Variants in MRO observed in about 807,000 individuals in gnomAD.
The protein encoded by MRO is protein maestro.
MRO carries 28 observed loss-of-function variants against 31.0 expected under a neutral mutation model. The observed-to-expected ratio is 0.90, with a 90% CI of 0.67 to 1.24. The LOEUF (loss-of-function observed/expected upper bound fraction) is 1.24, where lower values mean the gene tolerates loss of function less well. Ranked by LOEUF, MRO falls within the 50% of genes most tolerant of loss-of-function variation. MRO has a pLI of 0.00. For synonymous variants in MRO, 108 were observed against 108.4 expected (o/e 1.00, Z 0.02); for missense variants, 332 against 289.2 (o/e 1.15, Z -1.07).
intron 2 of MRO, among the ~76,000 whole-genome samples, chr18:50,814,125 G>T (rs569292839): frequency 6.6e-6 from 1 of 152,112 alleles, no homozygotes; most frequent in Non-Finnish European, 1.5e-5. Context: ...GATCAGAGCC[G>T]ACAGGTGCCT....
At chr18:50,799,440 C>T in intron 7 of MRO, 50 bp from the exon 8 acceptor site, 2 of 1,514,752 alleles carry the variant, frequency 1.3e-6, no homozygotes, top group Non-Finnish European at 9.2e-7. Context: ...CAACAAACTT[C>T]CTTGACAATG....
At chr18:50,801,613 G>T in intron 5 of MRO, 109 bp from the exon 6 acceptor site, 1 of 1,042,362 alleles carries the variant, frequency 9.6e-7, no homozygotes, top group Non-Finnish European at 1.4e-6. Context: ...CCGTCAATCA[G>T]AACACATCAC....
chr18:50,799,075 T>C lies in MRO; in HGVS notation c.*262A>G. 1 of 393,916 alleles carries C rather than the reference T, an allele frequency of 2.5e-6. No homozygotes were observed. Among genetic ancestry groups the C allele is most frequent in the Non-Finnish European group, 4.6e-6 (1 of 216,418 alleles). The allele number at this position is 393,916 out of a possible 1,614,324, so 24.4% of individuals were successfully genotyped here. A position where few individuals can be genotyped will look rare whatever the true frequency, so the allele number is the denominator to read the frequency against. On this transcript the variant is annotated 3_prime_UTR_variant, in exon 8 of 8. Coordinates refer to ENST00000398439, the MANE Select transcript of MRO (RefSeq NM_031939.6). ...GCACTGAATCTATATACACTTGGAATGTTTTAAAGAAAGTGTGTACCTGCT... is the reference window on the plus strand; with the variant it reads ...GCACTGAATCTATATACACTTGGAACGTTTTAAAGAAAGTGTGTACCTGCT...
intron 5 of MRO, among the ~76,000 whole-genome samples, chr18:50,804,686 C>G (rs1332691589): frequency 6.6e-6 from 1 of 152,118 alleles, no homozygotes; most frequent in Non-Finnish European, 1.5e-5. Flanking sequence ...TACATGTCCT[C>G]CCAACCCCTA....
chr18:50,799,747 C>T (rs1367785547), intron 7 of MRO, among the ~76,000 whole-genome samples: 1 of 152,068 alleles, frequency 6.6e-6, no homozygotes, highest in African/African-American at 2.4e-5. Context: ...CCCATCTCTA[C>T]TAAAAATACA....
chr18:50,806,936 C>T (rs1914004414), intron 3 of MRO, 86 bp from the exon 4 acceptor site: 2 of 1,334,646 alleles, frequency 1.5e-6, no homozygotes, highest in Non-Finnish European at 2.1e-6. Flanking sequence ...TAAAGAAAAT[C>T]CCGTGATTGC....
chr18:50,812,020 C>T (rs1014114114), intron 2 of MRO, among the ~76,000 whole-genome samples: 6 of 152,098 alleles, frequency 3.9e-5, no homozygotes, highest in East Asian at 1.9e-4. Context: ...GGATTACAGG[C>T]GTTAGCCACC....
chr18:50,800,740 G>T (rs1038251367), intron 6 of MRO, among the ~76,000 whole-genome samples: 2 of 152,014 alleles, frequency 1.3e-5, no homozygotes, highest in African/African-American at 4.8e-5. Flanking sequence ...CAAAAAATTA[G>T]CAGGGCGTGG....
chr18:50,822,381 C>T (rs1915333847), upstream of MRO, among the ~76,000 whole-genome samples: 1 of 105,652 alleles, frequency 9.5e-6, no homozygotes, highest in Admixed American at 9.1e-5. Flanking sequence ...CTCTGTCAGC[C>T]AGGCTGGAGT....
intron 5 of MRO, among the ~76,000 whole-genome samples, chr18:50,804,007 A>G (rs1329163110): frequency 6.6e-6 from 1 of 151,594 alleles, no homozygotes; most frequent in Non-Finnish European, 1.5e-5. Context: ...CTGATTTGTC[A>G]TCTGGTAGTT....
chr18:50,808,806 T>A (rs531853635), intron 3 of MRO, among the ~76,000 whole-genome samples: 1 of 151,508 alleles, frequency 6.6e-6, no homozygotes. Flanking sequence ...TATTCTCAAC[T>A]TATCTTCCTG....
chr18:50,808,088 AAAAC>A lies in MRO; in HGVS notation c.99+1210_99+1213del, dbSNP rs970643349. 5.9e-5 allele frequency among the ~76,000 whole-genome samples: 9 copies of A among 152,318 alleles called. No homozygotes were observed. In the East Asian group the frequency reaches 1.5e-3, roughly 26 times the overall value. On this transcript the variant is annotated intron_variant, in intron 3 of 7. Coordinates refer to ENST00000398439, the MANE Select transcript of MRO (RefSeq NM_031939.6). ...GGCAACAGAGCGAGACTCTGTCTCA[AAAAC>A]AAACAAACAAACAAACACAAACACC...
chr18:50,814,049 T>C (rs1318945833), intron 2 of MRO, among the ~76,000 whole-genome samples: 2 of 152,192 alleles, frequency 1.3e-5, no homozygotes, highest in East Asian at 1.9e-4. Flanking sequence ...TGTTTCTTTC[T>C]GGGGCTTTTC....
upstream of MRO, among the ~76,000 whole-genome samples, chr18:50,824,985 G>C (rs1242210019): frequency 6.7e-6 from 1 of 149,370 alleles, no homozygotes; most frequent in Non-Finnish European, 1.5e-5. Flanking sequence ...TGAGGCAGGA[G>C]AACCACCTGG....
chr18:50,821,699 C>T (rs1053130830), upstream of MRO, among the ~76,000 whole-genome samples: 12 of 152,190 alleles, frequency 7.9e-5, no homozygotes, highest in African/African-American at 2.7e-4. Context: ...TCTTTGTATT[C>T]ATGTTTTAAG....
intron 2 of MRO, among the ~76,000 whole-genome samples, chr18:50,810,758 A>G (rs1914405936): frequency 6.6e-6 from 1 of 152,232 alleles, no homozygotes; most frequent in Non-Finnish European, 1.5e-5. Context: ...GTGTGTCTGC[A>G]GCGGGAACTC....
intron 1 of MRO, 43 bp downstream of exon 1, chr18:50,819,854 A>C (rs1341762367): frequency 6.5e-7 from 1 of 1,544,166 alleles, no homozygotes; most frequent in Admixed American, 2.0e-5. Context: ...CTGGAATGAA[A>C]CCGACAAGAA....
Position 50,797,204 on chromosome 18 carries a change from C to T in MRO, c.*2133G>A, listed in dbSNP as rs1228476353. 3.9e-5 allele frequency: 6 copies of T among 152,218 alleles called. No individual in the cohort carries two copies. The highest frequency in any genetic ancestry group is 7.3e-5 in the Non-Finnish European group (5 of 68,074). 9.4% of individuals were successfully genotyped at this position (152,218 alleles called of 1,614,324 possible). On this transcript the variant is annotated 3_prime_UTR_variant, in exon 8 of 8. Transcript: ENST00000398439. ...ACAGCTCGGGTCTGGCTGGAAGGGA[C>T]AACTTGTGTCATGTGTCCGGGCCTC...
At chr18:50,809,144 C>CAA (rs61728184) in intron 3 of MRO, among the ~76,000 whole-genome samples, 158 bp downstream of exon 3, 44 of 99,082 alleles carry the variant, frequency 4.4e-4, no homozygotes, top group African/African-American at 1.1e-3. Context: ...GACTCCGTCT[C>CAA]AAAAAAAAAA....
Sources: gnomAD v4.1 joint callset for allele counts (sites outside exome capture counted in the v4.1 genomes callset) on GRCh38, gnomAD v4.1.1 for gene constraint, MANE v1.5 for transcripts, NCBI Gene and HGNC (gene_info 2026-07-23, HGNC 2026-07-21) for gene names.